LRRC69: variants seen among roughly 807,000 people sequenced by gnomAD.
LRRC69 encodes the protein leucine-rich repeat-containing protein 69.
In LRRC69, 42 loss-of-function variants were observed where a neutral mutation model predicts 37.8. The ratio of observed to expected loss-of-function variants is 1.11; its 90% CI spans 0.87 to 1.44. The LOEUF is 1.44. LRRC69 is among the 40% of genes most tolerant of loss of function. The pLI is 0.00. For synonymous variants in LRRC69, 141 were observed against 143.1 expected, an observed-to-expected ratio of 0.99 and a Z score of 0.11; for missense variants, 357 against 401.9, an observed-to-expected ratio of 0.89 and a Z score of 0.96.
intron 7 of LRRC69, among the ~76,000 whole-genome samples, chr8:91,203,844 G>C (rs1467340706): frequency 6.6e-6 from 1 of 151,824 alleles, no homozygotes; most frequent in Non-Finnish European, 1.5e-5. Context: ...TTCTAGCCGG[G>C]CACGGTGGCT....
chr8:91,203,103 T>A (rs764372569), intron 7 of LRRC69, among the ~76,000 whole-genome samples: 7 of 152,166 alleles, frequency 4.6e-5, no homozygotes, highest in Non-Finnish European at 1.0e-4. Context: ...CATGGTTAAG[T>A]ATGAGACTCC....
chr8:91,174,055 C>CTTTTTTTTTTTTTTTTTTTAATTTTTTTT (rs1386082716), intron 5 of LRRC69, among the ~76,000 whole-genome samples: 1 of 151,010 alleles, frequency 6.6e-6, no homozygotes, highest in Admixed American at 6.6e-5. Flanking sequence ...CCTTATTTTT[C>CTTTTTTTTTTTTTTTTTTTAATTTTTTTT]TACAATGCCT....
chr8:91,119,465 ACT>A (rs1813577761), intron 1 of LRRC69, among the ~76,000 whole-genome samples: 1 of 151,850 alleles, frequency 6.6e-6, no homozygotes, highest in Non-Finnish European at 1.5e-5. Context: ...TTTTATGTGA[ACT>A]CTCTTCCTCT....
At chr8:91,190,165 G>T (rs1172632433) in intron 6 of LRRC69, among the ~76,000 whole-genome samples, 1 of 152,032 alleles carries the variant, frequency 6.6e-6, no homozygotes, top group Non-Finnish European at 1.5e-5. Flanking sequence ...ATCCATTTGG[G>T]TCTGTAGCTA....
At chr8:91,183,847 G>T (rs964515207) in intron 5 of LRRC69, among the ~76,000 whole-genome samples, 1 of 152,162 alleles carries the variant, frequency 6.6e-6, no homozygotes, top group Admixed American at 6.5e-5. Flanking sequence ...CACCACAGAG[G>T]CAAGGAAGCC....
chr8:91,173,573 G>T (rs1448845301), intron 5 of LRRC69, among the ~76,000 whole-genome samples: 1 of 152,118 alleles, frequency 6.6e-6, no homozygotes, highest in African/African-American at 2.4e-5. Context: ...ATATTGTCAG[G>T]TAGAGATTAA....
intron 5 of LRRC69, among the ~76,000 whole-genome samples, chr8:91,181,381 C>T (rs757746814): frequency 6.6e-6 from 1 of 152,120 alleles, no homozygotes; most frequent in Non-Finnish European, 1.5e-5. Context: ...TCCATCCTTC[C>T]TCATTCCCCT....
At chr8:91,157,778 A>G in intron 5 of LRRC69, 2 of 1,607,706 alleles carry the variant, frequency 1.2e-6, no homozygotes, top group South Asian at 2.2e-5. Flanking sequence ...GACATACTAT[A>G]TCGCAGCAGT....
At chr8:91,152,088 G>T (rs188573056) in intron 5 of LRRC69, among the ~76,000 whole-genome samples, 1 of 151,616 alleles carries the variant, frequency 6.6e-6, no homozygotes, top group Non-Finnish European at 1.5e-5. Context: ...TCTGTAGGTT[G>T]CCTGTTCGCT....
At chr8:91,168,286 C>G (rs1007411421) in intron 5 of LRRC69, among the ~76,000 whole-genome samples, 1 of 151,672 alleles carries the variant, frequency 6.6e-6, no homozygotes, top group Non-Finnish European at 1.5e-5. Flanking sequence ...GACTGAGGGG[C>G]CGAAAGATGA....
chr8:91,203,064 T>TGG (rs1343992521), intron 7 of LRRC69, among the ~76,000 whole-genome samples: 5 of 152,194 alleles, frequency 3.3e-5, no homozygotes, highest in Non-Finnish European at 7.4e-5. Context: ...GTAGGCTTGT[T>TGG]GGGGAGAGAT....
At chr8:91,122,968 C>A in intron 1 of LRRC69, among the ~76,000 whole-genome samples, 1 of 152,040 alleles carries the variant, frequency 6.6e-6, no homozygotes, top group East Asian at 1.9e-4. Context: ...TCCAGGTGGA[C>A]CCAGTGTAAT....
chr8:91,133,149 A>C, exon 4 of LRRC69: 1 of 1,530,342 alleles, frequency 6.5e-7, no homozygotes. Flanking sequence ...ATTATAACCA[A>C]CTAGCCAGCA....
chr8:91,186,084 G>A (rs1809403343), intron 5 of LRRC69, among the ~76,000 whole-genome samples: 1 of 152,130 alleles, frequency 6.6e-6, no homozygotes, highest in Admixed American at 6.5e-5. Flanking sequence ...TACCAAGTCT[G>A]GAGAAGAAGG....
At chr8:91,165,689 T>G (rs1193472076) in intron 5 of LRRC69, among the ~76,000 whole-genome samples, 2 of 151,762 alleles carry the variant, frequency 1.3e-5, no homozygotes, top group Non-Finnish European at 2.9e-5. Context: ...TAATGGGTTT[T>G]CTGTTTTTGT....
chr8:91,136,993 T>G (rs2130521398), intron 5 of LRRC69, among the ~76,000 whole-genome samples: 1 of 152,198 alleles, frequency 6.6e-6, no homozygotes, highest in East Asian at 1.9e-4. Context: ...GTTTTCTCAT[T>G]TTGGCTATTA....
At chr8:91,104,408 A>G (rs923304595) in intron 1 of LRRC69, among the ~76,000 whole-genome samples, 16 of 151,956 alleles carry the variant, frequency 1.1e-4, no homozygotes, top group African/African-American at 3.4e-4. Flanking sequence ...CTAAAAATAT[A>G]TATTACTAAT....
rs766290265 is a variant in LRRC69 at position 91,166,095 on chromosome 8, G to C, written c.652-23427G>C. On this transcript the variant is annotated intron_variant, in intron 5 of 7. Coordinates refer to ENST00000448384, the Ensembl canonical transcript of LRRC69. ...TGCAACTTTCTAACTGTGTGACTTC[G>C]GGAAAATTTTAATTGAACTTGAACT... 2.0e-5 allele frequency among the ~76,000 whole-genome samples: 3 copies of C among 151,648 alleles called. No homozygotes were observed. The East Asian group carries it at 5.8e-4, about 29-fold the overall frequency.
intron 5 of LRRC69, among the ~76,000 whole-genome samples, chr8:91,185,459 A>G (rs931973045): frequency 6.6e-6 from 1 of 152,062 alleles, no homozygotes. Context: ...CCCTCTAAGG[A>G]TCTTCTCTTG....
Sources: allele counts gnomAD v4.1 joint callset (sites outside exome capture counted in the v4.1 genomes callset), GRCh38; gene constraint gnomAD v4.1.1; transcripts MANE v1.5; gene names NCBI Gene and HGNC (gene_info 2026-07-23, HGNC 2026-07-21).